Variants in OSBPL10 observed in about 807,000 individuals in gnomAD.
OSBPL10 encodes oxysterol binding protein like 10.
OSBPL10 carries 49 observed loss-of-function variants against 81.7 expected under a neutral mutation model. The ratio of observed to expected loss-of-function variants is 0.60; its 90% CI spans 0.48 to 0.76. The LOEUF (loss-of-function observed/expected upper bound fraction) is 0.76. Ranked by LOEUF, OSBPL10 falls within the 30% of genes least tolerant of loss-of-function variation. The pLI is 0.00. For missense variants in OSBPL10, 923 were observed against 987.8 expected, an observed-to-expected ratio of 0.93 and a Z score of 0.88; for synonymous variants, 419 against 383.6, an observed-to-expected ratio of 1.09 and a Z score of -1.08.
At chr3:31,952,141 C>T (rs1697887742) in intron 1 of OSBPL10, among the ~76,000 whole-genome samples, 1 of 151,536 alleles carries the variant, frequency 6.6e-6, no homozygotes, top group Non-Finnish European at 1.5e-5. Flanking sequence ...TATAGAAAAC[C>T]TACGATAAAG....
rs34795137 is a variant in OSBPL10, at chr3:31,809,869, C to CTTTTTTTTTTTTTTTTTTTT, written c.729+20170_729+20171insAAAAAAAAAAAAAAAAAAAA. Among the ~76,000 whole-genome samples the CTTTTTTTTTTTTTTTTTTTT allele has an allele frequency of 2.0e-3, 199 of 98,596 alleles. 24 individuals carry two copies. The highest frequency in any genetic ancestry group is 0.01 in the African/African-American group (187 of 18,402). The allele number at this position is 98,596 out of a possible 152,430, so 64.7% of individuals were successfully genotyped here. ...AAATGTCAATGGGTGCCCCCTGACT[C>CTTTTTTTTTTTTTTTTTTTT]TTTTTTTTTTTTTTTTTTTGAGATG... is the stretch of plus-strand genomic sequence containing the variant. On this transcript the variant is annotated intron_variant, in intron 4 of 11. Coordinates refer to ENST00000396556, the MANE Select transcript of OSBPL10 (RefSeq NM_017784.5).
intron 8 of OSBPL10, among the ~76,000 whole-genome samples, chr3:31,674,392 A>C (rs1292757759): frequency 6.6e-6 from 1 of 151,822 alleles, no homozygotes; most frequent in Non-Finnish European, 1.5e-5. Context: ...CATTTCTATA[A>C]AAAAATTTTA....
intron 1 of OSBPL10, among the ~76,000 whole-genome samples, chr3:31,945,986 C>CT (rs533808824): frequency 8.3e-5 from 9 of 109,054 alleles, no homozygotes; most frequent in East Asian, 5.9e-4. Flanking sequence ...TTGGTTTATG[C>CT]TTTTTTTTTT....
intron 1 of OSBPL10, among the ~76,000 whole-genome samples, chr3:32,076,634 A>C (rs1055109383): frequency 2.6e-5 from 4 of 152,156 alleles, no homozygotes; most frequent in African/African-American, 9.7e-5. Context: ...GGGAATTGCA[A>C]TAAAGAAAGA....
At chr3:31,998,136 T>C (rs1699109709) in intron 2 of OSBPL10, among the ~76,000 whole-genome samples, 2 of 152,162 alleles carry the variant, frequency 1.3e-5, no homozygotes, top group Admixed American at 1.3e-4. Context: ...ACCCACTTTG[T>C]GGTGCTGTTG....
At chr3:31,928,892 T>C (rs1414922542) in intron 1 of OSBPL10, among the ~76,000 whole-genome samples, 1 of 151,180 alleles carries the variant, frequency 6.6e-6, no homozygotes, top group Non-Finnish European at 1.5e-5. Flanking sequence ...AAAATCACAA[T>C]CCAAAGTCAA....
chr3:31,847,857 G>T (rs1019382486), intron 3 of OSBPL10, among the ~76,000 whole-genome samples: 2 of 152,100 alleles, frequency 1.3e-5, no homozygotes, highest in Non-Finnish European at 2.9e-5. Flanking sequence ...AAGAGGGGCT[G>T]GAAGCAGGGC....
intron 2 of OSBPL10, among the ~76,000 whole-genome samples, chr3:31,993,715 G>T (rs1575081324): frequency 6.7e-6 from 1 of 148,768 alleles, no homozygotes; most frequent in African/African-American, 2.5e-5. Flanking sequence ...CAAAACTGAG[G>T]ATACCAAGTG....
At chr3:31,801,233 T>C (rs181716479) in intron 4 of OSBPL10, among the ~76,000 whole-genome samples, 2 of 152,284 alleles carry the variant, frequency 1.3e-5, no homozygotes, top group African/African-American at 2.4e-5. Flanking sequence ...CAGAACTGCA[T>C]GGACATCTCC....
chr3:31,803,041 T>C (rs1257480357), intron 4 of OSBPL10, among the ~76,000 whole-genome samples: 7 of 149,576 alleles, frequency 4.7e-5, no homozygotes, highest in Non-Finnish European at 7.4e-5. Flanking sequence ...GTCTACAAAG[T>C]GGCTTTTCTA....
intron 1 of OSBPL10, among the ~76,000 whole-genome samples, chr3:32,050,772 C>G (rs1016585895): frequency 6.6e-6 from 1 of 151,696 alleles, no homozygotes; most frequent in African/African-American, 2.4e-5. Context: ...AGTGATTCTC[C>G]TGCCTCAGCC....
At chr3:31,835,883 C>T (rs939876461) in intron 3 of OSBPL10, among the ~76,000 whole-genome samples, 1 of 152,104 alleles carries the variant, frequency 6.6e-6, no homozygotes, top group Non-Finnish European at 1.5e-5. Context: ...ATATTGAGGG[C>T]CTTAAAATTA....
At chr3:31,944,690 T>C (rs1697642514) in intron 1 of OSBPL10, among the ~76,000 whole-genome samples, 1 of 152,022 alleles carries the variant, frequency 6.6e-6, no homozygotes, top group Non-Finnish European at 1.5e-5. Flanking sequence ...CTCATCTCCT[T>C]GGAGACACCT....
intron 1 of OSBPL10, among the ~76,000 whole-genome samples, chr3:31,928,962 C>T (rs1167997364): frequency 6.6e-6 from 1 of 152,112 alleles, no homozygotes; most frequent in Non-Finnish European, 1.5e-5. Flanking sequence ...AGCTGACTTG[C>T]ACAATAGCAT....
chr3:31,790,914 A>T (rs1217388257), intron 4 of OSBPL10, among the ~76,000 whole-genome samples: 1 of 152,154 alleles, frequency 6.6e-6, no homozygotes, highest in South Asian at 2.1e-4. Context: ...GCTTGTTGGA[A>T]CTCATTTTAA....
intron 1 of OSBPL10, among the ~76,000 whole-genome samples, chr3:31,973,697 T>A (rs887069220): frequency 1.3e-5 from 2 of 152,192 alleles, no homozygotes; most frequent in African/African-American, 4.8e-5. Context: ...GGTAGCAACA[T>A]GAAGATGGCC....
intron 6 of OSBPL10, chr3:31,732,474 A>T (rs1465438284): frequency 2.0e-5 from 3 of 152,220 alleles, no homozygotes; most frequent in African/African-American, 7.2e-5. Flanking sequence ...AATTAAGAAC[A>T]ACCTCTAATG....
intron 3 of OSBPL10, among the ~76,000 whole-genome samples, chr3:31,862,600 T>C (rs1701084114): frequency 6.6e-6 from 1 of 152,078 alleles, no homozygotes; most frequent in African/African-American, 2.4e-5. Flanking sequence ...CAATAAAATA[T>C]AAATGAATAA....
At chr3:32,040,541 A>C (rs1699565608) in intron 2 of OSBPL10, among the ~76,000 whole-genome samples, 1 of 152,002 alleles carries the variant, frequency 6.6e-6, no homozygotes, top group Non-Finnish European at 1.5e-5. Context: ...ATAGGAGTAA[A>C]GTCCAGTAGA....
Sources: allele counts gnomAD v4.1 joint callset (sites outside exome capture counted in the v4.1 genomes callset), GRCh38; gene constraint gnomAD v4.1.1; transcripts MANE v1.5; gene names NCBI Gene and HGNC (gene_info 2026-07-23, HGNC 2026-07-21).